SLC26A11: variants seen among roughly 807,000 people sequenced by gnomAD.
SLC26A11 encodes solute carrier family 26 member 11, also known as sodium-independent sulfate anion transporter.
SLC26A11 carries 58 observed loss-of-function variants against 62.2 expected under a neutral mutation model. The observed-to-expected ratio is 0.93, with a 90% CI of 0.76 to 1.16. The LOEUF is 1.16. SLC26A11 is among the 50% of genes most tolerant of loss of function. SLC26A11 has a pLI of 0.00. For missense variants in SLC26A11, 790 were observed against 794.3 expected, an observed-to-expected ratio of 0.99 and a Z score of 0.06; for synonymous variants, 411 against 368.9, an observed-to-expected ratio of 1.11 and a Z score of -1.31.
chr17:80,227,918 G>T lies in SLC26A11; in HGVS notation c.694G>T (p.Gly232Cys), dbSNP rs1466923540. ...TCCCGTCCACCCCGAGATGCCCCCT[G>T]GTGTGCGGCTCAGCCGTGGGCTGGT... ...VPPVHPEMPPGVRLSRGLVWA... is the reference protein window; with the variant it reads ...VPPVHPEMPPCVRLSRGLVWA... Residue 232 changes from glycine to cysteine, a missense_variant, in exon 7 of 18, where the codon GGT becomes TGT. Transcript: ENST00000361193. 2 of 1,601,266 alleles carry T rather than the reference G, an allele frequency of 1.2e-6. No individual in the cohort carries two copies.
chr17:80,226,197 CTCTCCACAAAGCTT>C (rs1480288460), intron 6 of SLC26A11, among the ~76,000 whole-genome samples: 3 of 152,168 alleles, frequency 2.0e-5, no homozygotes, highest in Admixed American at 6.5e-5. Context: ...CAATGTTCCT[CTCTCCACAAAGCTT>C]TCTTGGGGGA....
rs914703340 is a variant in SLC26A11, at chr17:80,223,814, T to G, written c.513+477T>G. Among the ~76,000 whole-genome samples, 2 of 152,262 alleles carry G rather than the reference T, an allele frequency of 1.3e-5. No homozygotes were observed. The highest frequency in any genetic ancestry group is 4.8e-5 in the African/African-American group (2 of 41,466). On this transcript the variant is annotated intron_variant, in intron 5 of 17. Transcript: ENST00000361193. The surrounding 1 kb of genome is among the most constrained non-coding windows in gnomAD (Gnocchi z 4.6). Reference sequence around the variant, plus strand: ...TATTTTTTAAATGCCATGCCTTTTATATTTTCTTTTAAAACATTTATAATA... The same window carrying G: ...TATTTTTTAAATGCCATGCCTTTTAGATTTTCTTTTAAAACATTTATAATA...
intron 7 of SLC26A11, among the ~76,000 whole-genome samples, chr17:80,233,418 C>T (rs759300046): frequency 6.6e-6 from 1 of 152,160 alleles, no homozygotes; most frequent in Non-Finnish European, 1.5e-5. Flanking sequence ...ATGTGAGCCA[C>T]CATTCCCTGC....
chr17:80,224,426 AGTGGGT>A lies in SLC26A11; in HGVS notation c.513+1099_513+1104del, dbSNP rs1272286595. Among the ~76,000 whole-genome samples the A allele has an allele frequency of 2.1e-3, 253 of 121,406 alleles. 1 individual carries two copies. Among genetic ancestry groups the A allele is most frequent in the African/African-American group, 7.5e-3 (233 of 31,014 alleles). The allele number at this position is 121,406 out of a possible 152,430, so 79.6% of individuals were successfully genotyped here. A position where few individuals can be genotyped will look rare whatever the true frequency, so the allele number is the denominator to read the frequency against. On this transcript the variant is annotated intron_variant, in intron 5 of 17. Coordinates refer to ENST00000361193, the MANE Select transcript of SLC26A11 (RefSeq NM_001166347.2). ...GTGAGAGTGAGTGTGAGTGAGTGAGAGTGGGTGTGGGTGTGAGAGTGTGAGTGTGAG... is the reference window on the plus strand; with the variant it reads ...GTGAGAGTGAGTGTGAGTGAGTGAGAGTGGGTGTGAGAGTGTGAGTGTGAG...
chr17:80,238,756 G>A lies in SLC26A11; in HGVS notation c.985+1162G>A, dbSNP rs543094030. 5.9e-5 allele frequency among the ~76,000 whole-genome samples: 9 copies of A among 151,948 alleles called. No homozygotes were observed. In the South Asian group the frequency reaches 1.9e-3, roughly 32 times the overall value. ...TACTGCCTAGCCCAGGCTGTGCCAG[G>A]GTAAAGTTCCTTCTCCAAAGTCCCA... On this transcript the variant is annotated intron_variant, in intron 9 of 17. Transcript: ENST00000361193.
At chr17:80,220,712 G>T (rs576503560) in intron 1 of SLC26A11, among the ~76,000 whole-genome samples, 1 of 151,890 alleles carries the variant, frequency 6.6e-6, no homozygotes, top group South Asian at 2.1e-4. Context: ...GTCAGGTGGC[G>T]CAGGGTCTCC....
At chr17:80,249,424 T>A in intron 16 of SLC26A11, 137 bp downstream of exon 16, 2 of 1,238,458 alleles carry the variant, frequency 1.6e-6, no homozygotes, top group Non-Finnish European at 1.1e-6. Context: ...TGCTTCTGAT[T>A]TAAACAGTTC....
chr17:80,241,812 C>T lies in SLC26A11; in HGVS notation c.1027C>T (p.Leu343=), dbSNP rs1452186892. The change falls in exon 10 of 18, where the codon CTG becomes TTG. Residue 343 remains leucine (L), a synonymous_variant. Transcript: ENST00000361193. ...CCGCATCGATGCCAACCAGGAGCTGCTGGCCATCGGTAAGACCCCAGCCGC... is the reference window on the plus strand; with the variant it reads ...CCGCATCGATGCCAACCAGGAGCTGTTGGCCATCGGTAAGACCCCAGCCGC... ...NYRIDANQEL[L]AIGLTNMLGS... 3 of 1,614,204 alleles carry T rather than the reference C, an allele frequency of 1.9e-6. No individual in the cohort carries two copies. Among genetic ancestry groups the T allele is most frequent in the Non-Finnish European group, 1.7e-6 (2 of 1,180,038 alleles).
Position 80,246,912 on chromosome 17 carries a change from C to T in SLC26A11, c.1294+263C>T, listed in dbSNP as rs1370967089. On this transcript the variant is annotated intron_variant, in intron 13 of 17. Coordinates refer to ENST00000361193, the MANE Select transcript of SLC26A11 (RefSeq NM_001166347.2). This position sits in a 1 kb window ranked among gnomAD's most constrained non-coding sequence, Gnocchi z 4.4. ...CCCGGGGGAGGGTCCCCTCCTGATC[C>T]CCCTGCCCCCATCCCTACCCTCCTT... Among the ~76,000 whole-genome samples, 1 of 152,074 alleles carries T rather than the reference C, an allele frequency of 6.6e-6. No homozygotes were observed. Among genetic ancestry groups the T allele is most frequent in the Non-Finnish European group, 1.5e-5 (1 of 67,998 alleles).
At chr17:80,248,339 T>G in intron 14 of SLC26A11, 82 bp downstream of exon 14, 1 of 1,503,984 alleles carries the variant, frequency 6.6e-7, no homozygotes, top group Middle Eastern at 1.7e-4. Flanking sequence ...GGGTCCGGGG[T>G]GATTGTGGTC....
chr17:80,251,223 A>C (rs1167879651), intron 16 of SLC26A11, 106 bp from the exon 17 acceptor site: 14 of 1,608,680 alleles, frequency 8.7e-6, no homozygotes, highest in Non-Finnish European at 1.2e-5. Flanking sequence ...ATGGAGGTGA[A>C]GCCATACCTC....
At chr17:80,248,435 C>T (rs528060685) in intron 14 of SLC26A11, 140 bp from the exon 15 acceptor site, 13 of 1,239,898 alleles carry the variant, frequency 1.0e-5, no homozygotes, top group Admixed American at 2.3e-5. Flanking sequence ...GTGTGGGGGC[C>T]ATGGGGGTCT....
chr17:80,236,968 G>A lies in SLC26A11; in HGVS notation c.777G>A (p.Ala259=), dbSNP rs778239218. Reference sequence around the variant, plus strand: ...TGGTCTCCTTCGCAGCCCTGGTTGCGTACTCCTTCGAGGTGACTGGATACC... The same window carrying A: ...TGGTCTCCTTCGCAGCCCTGGTTGCATACTCCTTCGAGGTGACTGGATACC... ...ALVVSFAALV[A]YSFEVTGYQP... is the part of the protein sequence containing the mutation. Residue 259 remains alanine (A), a synonymous_variant, in exon 8 of 18, where the codon GCG becomes GCA. Transcript: ENST00000361193. 1.9e-5 allele frequency: 31 copies of A among 1,613,900 alleles called. No individual in the cohort carries two copies. The African/African-American group carries it at 2.0e-4, about 10-fold the overall frequency.
At chr17:80,226,107 G>A (rs997183045) in intron 6 of SLC26A11, among the ~76,000 whole-genome samples, 191 bp downstream of exon 6, 3 of 152,126 alleles carry the variant, frequency 2.0e-5, no homozygotes, top group Non-Finnish European at 4.4e-5. Context: ...CCCTATCAGA[G>A]CCACAGTTTT....
chr17:80,222,937 G>A lies in SLC26A11; in HGVS notation c.427+90G>A. The A allele has an allele frequency of 2.4e-6, 3 of 1,234,182 alleles. No homozygotes were observed. The highest frequency in any genetic ancestry group is 3.3e-6 in the Non-Finnish European group (3 of 913,144). The allele number at this position is 1,234,182 out of a possible 1,614,324, so 76.5% of individuals were successfully genotyped here. ...AGTCTATCCCCGTGTGCGTGTGTGT[G>A]CGTGTTGGGGTGTGGGTATGTATGT... On this transcript the variant is annotated intron_variant, in intron 4 of 17. Coordinates refer to ENST00000361193, the MANE Select transcript of SLC26A11 (RefSeq NM_001166347.2). The surrounding 1 kb of genome is among the most constrained non-coding windows in gnomAD (Gnocchi z 4.7).
In SLC26A11 at chr17:80,249,211, C is replaced by T. The variant is rs1305602865; in HGVS notation, c.1580C>T (p.Thr527Ile). 1 of 1,611,358 alleles carries T rather than the reference C, an allele frequency of 6.2e-7. No individual in the cohort carries two copies. The highest frequency in any genetic ancestry group is 1.1e-5 in the South Asian group (1 of 91,004). ...ACCCATGTCTGCAGCATCGACTACA[C>T]TGTGGTGCTGGGACTCGGCGAGCTC... ...ECTHVCSIDYTVVLGLGELLQ... is the reference protein window; with the variant it reads ...ECTHVCSIDYIVVLGLGELLQ... The change falls in exon 16 of 18, where the codon ACT (threonine) becomes ATT (isoleucine). Residue 527 changes from threonine (T) to isoleucine (I), a missense_variant. Thr to Ile is a moderately conservative substitution (Grantham distance 89, BLOSUM62 -1). Coordinates refer to ENST00000361193, the MANE Select transcript of SLC26A11 (RefSeq NM_001166347.2).
chr17:80,220,614 G>A (rs1338813601), intron 1 of SLC26A11, 118 bp downstream of exon 1: 2 of 318,838 alleles, frequency 6.3e-6, no homozygotes, highest in African/African-American at 2.2e-5. Flanking sequence ...GAAGTGCGGG[G>A]GCCTCCCGTG....
At chr17:80,224,218 A>AGT (rs1235944412) in intron 5 of SLC26A11, among the ~76,000 whole-genome samples, 1 of 135,720 alleles carries the variant, frequency 7.4e-6, no homozygotes, top group Non-Finnish European at 1.6e-5. Flanking sequence ...TGAATGAGTG[A>AGT]GTGTGTGAGA....
chr17:80,224,456 AGAGTGT>A (rs992954337), intron 5 of SLC26A11, among the ~76,000 whole-genome samples: 8 of 114,048 alleles, frequency 7.0e-5, no homozygotes, highest in Non-Finnish European at 1.5e-4. Context: ...TGTGAGTGTG[AGAGTGT>A]GAGTGTGTGA....
Sources: allele counts gnomAD v4.1 joint callset (sites outside exome capture counted in the v4.1 genomes callset), GRCh38; gene constraint gnomAD v4.1.1; non-coding constraint Gnocchi (gnomAD v3.1); transcripts MANE v1.5; gene names NCBI Gene and HGNC (gene_info 2026-07-23, HGNC 2026-07-21).